Variants in NRG1 observed in about 807,000 individuals in gnomAD.
NRG1 encodes the protein pro-neuregulin-1, membrane-bound isoform.
Under a neutral mutation model 63.8 loss-of-function variants are expected in NRG1, and 18 were observed. That is an observed-to-expected ratio of 0.28 (90% CI 0.19 to 0.42). NRG1 has a LOEUF of 0.42. Ranked by LOEUF, NRG1 falls within the 10% of genes least tolerant of loss-of-function variation. NRG1 has a pLI of 1.00. For missense variants in NRG1, 762 were observed against 814.7 expected (o/e 0.94, Z 0.79); for synonymous variants, 302 against 301.3 (o/e 1.00, Z -0.02).
chr8:32,763,691 C>T, intron 11 of NRG1, 57 bp from the exon 12 acceptor site: 2 of 1,481,036 alleles, frequency 1.4e-6, no homozygotes, highest in Non-Finnish European at 1.8e-6. Context: ...CCTTACCTTC[C>T]CTGCTATGTG....
rs180708989 is a variant in NRG1 at position 32,591,486 on chromosome 8, C to T, written c.101-4342C>T. ...GTAAGGCAAGGAATGTACCACTCTG[C>T]ATATGGACCCCAAAAGGAAAGGAGA... On this transcript the variant is annotated intron_variant, in intron 1 of 11. Transcript: ENST00000356819. 1.2e-3 allele frequency among the ~76,000 whole-genome samples: 189 copies of T among 152,148 alleles called. 3 individuals are homozygous for T. The highest frequency in any genetic ancestry group is 8.8e-5 in the Non-Finnish European group (6 of 68,006).
rs74354362 is a variant in NRG1, at chr8:31,816,410, C to T, written c.37+176979C>T. Among the ~76,000 whole-genome samples, 642 of 152,312 alleles carry T rather than the reference C, an allele frequency of 4.2e-3. 20 individuals are homozygous for T. In the East Asian group the frequency reaches 0.082, roughly 19 times the overall value. ...TTACTTAGATTCTTAAGTTTAAATG[C>T]TTGTAATTCCTTCTTCCTTTCCTCT... On this transcript the variant is annotated intron_variant, in intron 1 of 10. Coordinates refer to the NRG1 transcript ENST00000519301.
chr8:32,081,291 A>G (rs988531008), intron 1 of NRG1, among the ~76,000 whole-genome samples: 1 of 152,150 alleles, frequency 6.6e-6, no homozygotes, highest in African/African-American at 2.4e-5. Context: ...GCTTCAACAT[A>G]TGCATTTTGA....
In NRG1 at chr8:32,060,087, T is replaced by G. The variant is rs566900828; in HGVS notation, c.37+420656T>G. Among the ~76,000 whole-genome samples, 83 of 152,112 alleles carry G rather than the reference T, an allele frequency of 5.5e-4. 1 individual carries two copies. Among genetic ancestry groups the G allele is most frequent in the African/African-American group, 1.9e-3 (77 of 41,566 alleles). ...TTACCTTCTGTTTTTATTTTTTGGT[T>G]ATAATAGTTTCTCCAATTTGTGTAA... On this transcript the variant is annotated intron_variant, in intron 1 of 10. Transcript: ENST00000519301.
chr8:32,750,202 G>A (rs1033387003), intron 7 of NRG1, among the ~76,000 whole-genome samples: 4 of 152,132 alleles, frequency 2.6e-5, no homozygotes, highest in African/African-American at 9.7e-5. Flanking sequence ...CAGAAAGAAA[G>A]CAGCCTTGTG....
intron 1 of NRG1, among the ~76,000 whole-genome samples, chr8:32,188,044 C>G (rs1428561247): frequency 6.6e-6 from 1 of 152,002 alleles, no homozygotes; most frequent in African/African-American, 2.4e-5. Flanking sequence ...ATGTCTTATT[C>G]AGATATCTTT....
rs191097615 is a variant in NRG1, at chr8:32,574,120, C to T, written c.101-21708C>T. 5.9e-5 allele frequency among the ~76,000 whole-genome samples: 9 copies of T among 152,152 alleles called. No individual in the cohort carries two copies. In the South Asian group the frequency reaches 8.3e-4, roughly 14 times the overall value. On this transcript the variant is annotated intron_variant, in intron 1 of 11. Transcript: ENST00000356819. ...TAGTGCTGCAATAAACATACATGTG[C>T]GTGTGTCTTTATAGCAGCATGACCT...
intron 1 of NRG1, among the ~76,000 whole-genome samples, chr8:32,405,121 G>C (rs978758578): frequency 1.3e-5 from 2 of 152,174 alleles, no homozygotes; most frequent in African/African-American, 4.8e-5. Context: ...TATCCAGGCT[G>C]TCCCTGTTGC....
At chr8:32,739,428 G>A (rs1378730960) in intron 6 of NRG1, among the ~76,000 whole-genome samples, 2 of 152,144 alleles carry the variant, frequency 1.3e-5, no homozygotes, top group Non-Finnish European at 1.5e-5. Flanking sequence ...ACAAACACTA[G>A]CAAAAGGATA....
intron 1 of NRG1, among the ~76,000 whole-genome samples, chr8:32,386,831 C>A (rs115385699): frequency 0.021 from 3,159 of 152,258 alleles, 112 homozygotes; most frequent in African/African-American, 0.072. Flanking sequence ...CCAAATTTTA[C>A]AAATTTTACT....
chr8:32,045,329 G>T (rs893550527), intron 1 of NRG1, among the ~76,000 whole-genome samples: 6 of 151,814 alleles, frequency 4.0e-5, no homozygotes, highest in Non-Finnish European at 7.4e-5. Context: ...AAAAATCATA[G>T]ATGACCTAAA....
chr8:31,702,569 G>A (rs551637320), intron 1 of NRG1, among the ~76,000 whole-genome samples: 43 of 151,588 alleles, frequency 2.8e-4, no homozygotes, highest in South Asian at 1.7e-3. Flanking sequence ...ATTGGTCATT[G>A]CTAGCCAGTA....
At chr8:31,814,280 T>G (rs1823219734) in intron 1 of NRG1, among the ~76,000 whole-genome samples, 1 of 152,178 alleles carries the variant, frequency 6.6e-6, no homozygotes, top group Non-Finnish European at 1.5e-5. Flanking sequence ...AAACACCCAG[T>G]GTAGTGTCTG....
intron 11 of NRG1, among the ~76,000 whole-genome samples, chr8:32,762,510 T>C (rs1056862349): frequency 6.6e-6 from 1 of 152,170 alleles, no homozygotes; most frequent in African/African-American, 2.4e-5. Context: ...AGCCAAAAGT[T>C]TGAAGGCTCA....
intron 5 of NRG1, among the ~76,000 whole-genome samples, chr8:32,639,187 C>G (rs569600434): frequency 3.3e-5 from 5 of 152,194 alleles, no homozygotes; most frequent in African/African-American, 1.2e-4. Context: ...GGGCGGATCA[C>G]CTGAGGTCAG....
At chr8:32,052,611 A>G (rs1563729176) in intron 1 of NRG1, among the ~76,000 whole-genome samples, 2 of 152,162 alleles carry the variant, frequency 1.3e-5, no homozygotes, top group African/African-American at 4.8e-5. Context: ...AGCAAGCTGT[A>G]AAGTCCAGAA....
At chr8:31,943,322 G>A (rs1448290399) in intron 1 of NRG1, among the ~76,000 whole-genome samples, 1 of 152,100 alleles carries the variant, frequency 6.6e-6, no homozygotes, top group African/African-American at 2.4e-5. Context: ...TCATATGTGG[G>A]AGCTAAGCTA....
chr8:32,122,209 A>G (rs778653436), intron 1 of NRG1, among the ~76,000 whole-genome samples: 5 of 152,012 alleles, frequency 3.3e-5, no homozygotes, highest in Non-Finnish European at 7.4e-5. Flanking sequence ...GGGGAAATAA[A>G]CAACAGGCCA....
chr8:32,763,801 C>T lies in NRG1; in HGVS notation c.1313C>T (p.Thr438Met), dbSNP rs367543167. The change falls in exon 12 of 12, where the codon ACG becomes ATG. Residue 438 changes from threonine (T) to methionine (M), a missense_variant. Physicochemically the swap from Thr to Met is moderately conservative, Grantham distance 81. Transcript: ENST00000356819. Reference sequence around the variant, plus strand: ...CGTATGTCACCTGTAGATTTCCACACGCCAAGCTCCCCCAAATCGCCCCCT... The same window carrying T: ...CGTATGTCACCTGTAGATTTCCACATGCCAAGCTCCCCCAAATCGCCCCCT... 58 of 1,591,208 alleles carry T rather than the reference C, an allele frequency of 3.6e-5. No individual in the cohort carries two copies. The highest frequency in any genetic ancestry group is 4.0e-5 in the Non-Finnish European group (47 of 1,169,130).
Sources: gnomAD v4.1 joint callset for allele counts (sites outside exome capture counted in the v4.1 genomes callset) on GRCh38, gnomAD v4.1.1 for gene constraint, MANE v1.5 for transcripts, NCBI Gene and HGNC (gene_info 2026-07-23, HGNC 2026-07-21) for gene names.